The following GLI2 variants were observed in gnomAD, a reference collection of about 807,000 sequenced individuals.
GLI2 encodes the protein GLI family zinc finger 2.
In GLI2, 22 loss-of-function variants were observed where a neutral mutation model predicts 78.9. The ratio of observed to expected loss-of-function variants is 0.28; its 90% confidence interval spans 0.20 to 0.40. The LOEUF (loss-of-function observed/expected upper bound fraction) is 0.40. GLI2 is among the 10% of genes least tolerant of loss of function. The pLI, the probability that GLI2 is intolerant of heterozygous loss-of-function variation, is 1.00. For synonymous variants in GLI2, 974 were observed against 963.7 expected (o/e 1.01, Z -0.20); for missense variants, 2,097 against 2,213.2 (o/e 0.95, Z 1.05).
chr2:120,770,797 C>T (rs552955246), intron 1 of GLI2, among the ~76,000 whole-genome samples: 11 of 152,264 alleles, frequency 7.2e-5, no homozygotes, highest in African/African-American at 2.6e-4. Flanking sequence ...TGTTCTCAAA[C>T]TATAATGATT....
Position 120,989,946 on chromosome 2 carries a change from G to A in GLI2, c.3981G>A (p.Leu1327=). Residue 1327 remains leucine (L), a synonymous_variant, in exon 14 of 14, where the codon CTG becomes CTA. Coordinates refer to ENST00000361492, the MANE Select transcript of GLI2 (RefSeq NM_001374353.1). ...GCTACCACCAGGTCCCCAGCCTTCT[G>A]CCTGCCCGCCAGCCTGGCTTCATGG... ...QEGYHQVPSL[L]PARQPGFMEP... 6.2e-7 allele frequency: 1 copy of A among 1,611,076 alleles called. No individual in the cohort carries two copies. Among genetic ancestry groups the A allele is most frequent in the South Asian group, 1.1e-5 (1 of 90,714 alleles).
chr2:120,856,719 A>G (rs1342920386), intron 2 of GLI2, among the ~76,000 whole-genome samples: 1 of 151,836 alleles, frequency 6.6e-6, no homozygotes, highest in Non-Finnish European at 1.5e-5. Context: ...CTGCCCTCCC[A>G]TGGCTCTGCA....
intron 2 of GLI2, among the ~76,000 whole-genome samples, chr2:120,902,568 C>T (rs1678321396): frequency 6.6e-6 from 1 of 152,118 alleles, no homozygotes; most frequent in Non-Finnish European, 1.5e-5. Context: ...ATGGGGGTGT[C>T]AGGAGGCACT....
At chr2:120,844,238 G>C (rs1158189854) in intron 2 of GLI2, among the ~76,000 whole-genome samples, 1 of 152,192 alleles carries the variant, frequency 6.6e-6, no homozygotes, top group Non-Finnish European at 1.5e-5. Flanking sequence ...TGCCACTGGA[G>C]CTCAAAAGCA....
intron 1 of GLI2, among the ~76,000 whole-genome samples, chr2:120,791,728 T>G (rs1441540945): frequency 6.6e-6 from 1 of 152,226 alleles, no homozygotes; most frequent in Non-Finnish European, 1.5e-5. Context: ...TGCACGTGTG[T>G]GGCTGCATAT....
chr2:120,909,592 G>A (rs1206220080), intron 2 of GLI2, among the ~76,000 whole-genome samples: 3 of 152,166 alleles, frequency 2.0e-5, no homozygotes, highest in Non-Finnish European at 2.9e-5. Flanking sequence ...TAGGCCGGGC[G>A]TGGTGGCTCA....
At chr2:120,788,907 C>A (rs958894255) in intron 1 of GLI2, among the ~76,000 whole-genome samples, 1 of 152,124 alleles carries the variant, frequency 6.6e-6, no homozygotes, top group African/African-American at 2.4e-5. Context: ...GCTGCAGAAG[C>A]GTGTCAGACA....
At position 120,982,745 on chromosome 2, in the gene GLI2, C is replaced by A. The variant is rs542656225; in HGVS notation, c.1497C>A (p.Arg499=). The change falls in exon 11 of 14, where the codon CGC becomes CGA. Residue 499 remains arginine (R), a synonymous_variant. Coordinates refer to ENST00000361492, the MANE Select transcript of GLI2 (RefSeq NM_001374353.1). ...AGGGCTGCTCGAAGGCCTACTCCCG[C>A]CTGGAGAACCTGAAGACACACCTGC... The part of the protein sequence containing the change: ...TFEGCSKAYS[R]LENLKTHLRS... 119 of 1,613,912 alleles carry A rather than the reference C, an allele frequency of 7.4e-5. 1 individual carries two copies. The highest frequency in any genetic ancestry group is 2.1e-4 in the African/African-American group (16 of 75,050).
intron 5 of GLI2, among the ~76,000 whole-genome samples, chr2:120,960,981 C>G (rs1395690658): frequency 6.6e-6 from 1 of 152,206 alleles, no homozygotes; most frequent in Non-Finnish European, 1.5e-5. Context: ...GGTCATCATT[C>G]TGCTGAGCGG....
At position 120,988,387 on chromosome 2, in the gene GLI2, G is replaced by A. The variant is rs1202144630; in HGVS notation, c.2422G>A (p.Gly808Ser). The A allele has an allele frequency of 3.2e-6, 5 of 1,572,326 alleles. No homozygotes were observed. Among genetic ancestry groups the A allele is most frequent in the Non-Finnish European group, 4.3e-6 (5 of 1,169,074 alleles). Residue 808 changes from glycine (G) to serine (S), a missense_variant, in exon 14 of 14, where the codon GGC becomes AGC. Gly to Ser is a moderately conservative substitution (Grantham distance 56, BLOSUM62 0). Coordinates refer to ENST00000361492, the MANE Select transcript of GLI2 (RefSeq NM_001374353.1). ...SAYTVSRRSS[G>S]ISPYFSSRRS... Reference sequence around the variant, plus strand: ...CTACACCGTGAGCCGCCGCTCCTCCGGCATCTCCCCCTACTTCTCCAGCCG... The same window carrying A: ...CTACACCGTGAGCCGCCGCTCCTCCAGCATCTCCCCCTACTTCTCCAGCCG...
intron 2 of GLI2, among the ~76,000 whole-genome samples, chr2:120,906,748 C>G (rs180951074): frequency 1.1e-4 from 17 of 152,194 alleles, no homozygotes; most frequent in African/African-American, 4.1e-4. Flanking sequence ...CCTGTGTCCC[C>G]TCTCATAGTT....
At chr2:120,894,368 C>T (rs922759457) in intron 2 of GLI2, among the ~76,000 whole-genome samples, 5 of 152,220 alleles carry the variant, frequency 3.3e-5, no homozygotes, top group African/African-American at 9.6e-5. Context: ...CTGGGACCGG[C>T]GTGGCTCCGC....
intron 1 of GLI2, among the ~76,000 whole-genome samples, chr2:120,786,379 A>G (rs1177793033): frequency 1.3e-5 from 2 of 152,112 alleles, no homozygotes; most frequent in Non-Finnish European, 2.9e-5. Flanking sequence ...CACCGCCATC[A>G]TCCCTGCTGT....
At chr2:120,846,850 G>T (rs1687138859) in intron 2 of GLI2, among the ~76,000 whole-genome samples, 1 of 152,248 alleles carries the variant, frequency 6.6e-6, no homozygotes, top group Non-Finnish European at 1.5e-5. Context: ...GCGTCCTTGT[G>T]TTCAGAGGAG....
chr2:120,812,940 C>T (rs1351197511), intron 2 of GLI2, among the ~76,000 whole-genome samples: 2 of 152,130 alleles, frequency 1.3e-5, no homozygotes, highest in Admixed American at 6.5e-5. Flanking sequence ...CTGAAGAAGG[C>T]GGGGACACCT....
At chr2:120,975,702 C>G (rs1682424425) in intron 9 of GLI2, among the ~76,000 whole-genome samples, 1 of 152,160 alleles carries the variant, frequency 6.6e-6, no homozygotes. Flanking sequence ...GCCGGCGAGA[C>G]CTTCAGGATA....
chr2:120,837,954 T>G (rs1002519083), intron 2 of GLI2, among the ~76,000 whole-genome samples: 2 of 152,182 alleles, frequency 1.3e-5, no homozygotes, highest in African/African-American at 4.8e-5. Context: ...TCAAATGGTC[T>G]TGGCTCTTTT....
intron 1 of GLI2, among the ~76,000 whole-genome samples, chr2:120,741,443 C>G (rs1558775139): frequency 1.3e-5 from 2 of 151,870 alleles, no homozygotes; most frequent in Non-Finnish European, 1.5e-5. Flanking sequence ...GTCCTGCCCC[C>G]ACCCCCTCTT....
At chr2:120,863,993 G>A (rs978815327) in intron 2 of GLI2, among the ~76,000 whole-genome samples, 1 of 152,224 alleles carries the variant, frequency 6.6e-6, no homozygotes, top group Admixed American at 6.5e-5. Flanking sequence ...TGACTTGTGT[G>A]TGGAGGGCGG....
Sources: allele counts gnomAD v4.1 joint callset (sites outside exome capture counted in the v4.1 genomes callset), GRCh38; gene constraint gnomAD v4.1.1; transcripts MANE v1.5; gene names NCBI Gene and HGNC (gene_info 2026-07-23, HGNC 2026-07-21).